Variants in LDLRAD4 observed in about 807,000 individuals in gnomAD.
LDLRAD4 encodes low-density lipoprotein receptor class A domain-containing protein 4.
LDLRAD4 carries 5 observed loss-of-function variants against 17.0 expected under a neutral mutation model. The ratio of observed to expected loss-of-function variants is 0.29; its 90% confidence interval spans 0.15 to 0.62. The LOEUF (loss-of-function observed/expected upper bound fraction) is 0.62. LDLRAD4 is among the 20% of genes least tolerant of loss of function. The pLI, the probability that LDLRAD4 is intolerant of heterozygous loss-of-function variation, is 0.84. For missense variants in LDLRAD4, 340 were observed against 424.7 expected (o/e 0.80, Z 1.75); for synonymous variants, 168 against 171.8 (o/e 0.98, Z 0.17).
intron 3 of LDLRAD4, among the ~76,000 whole-genome samples, chr18:13,527,440 G>A (rs1008853818): frequency 2.6e-5 from 4 of 152,332 alleles, no homozygotes; most frequent in Non-Finnish European, 4.4e-5. Flanking sequence ...GGCCTGGGCC[G>A]AGGGAGCCTG....
At chr18:13,525,395 A>G (rs925150813) in intron 3 of LDLRAD4, among the ~76,000 whole-genome samples, 4 of 152,146 alleles carry the variant, frequency 2.6e-5, no homozygotes, top group African/African-American at 9.7e-5. Flanking sequence ...GCTAAAGTCA[A>G]CCTCTGCCTT....
intron 1 of LDLRAD4, among the ~76,000 whole-genome samples, chr18:13,352,227 C>G (rs562668517): frequency 6.6e-6 from 1 of 152,326 alleles, no homozygotes; most frequent in Admixed American, 6.5e-5. Flanking sequence ...CCTTTCTCAC[C>G]ACTTCTATTC....
chr18:13,426,546 C>G (rs528516995), intron 2 of LDLRAD4, among the ~76,000 whole-genome samples: 70 of 152,290 alleles, frequency 4.6e-4, no homozygotes, highest in African/African-American at 1.7e-3. Flanking sequence ...GCTGAGAACC[C>G]AACAGCCCCA....
At chr18:13,442,088 C>T (rs1402475557) in intron 3 of LDLRAD4, among the ~76,000 whole-genome samples, 1 of 152,156 alleles carries the variant, frequency 6.6e-6, no homozygotes, top group East Asian at 1.9e-4. Context: ...ATACAAATTA[C>T]ACAAACACAA....
intron 3 of LDLRAD4, among the ~76,000 whole-genome samples, chr18:13,537,463 G>T (rs1034602839): frequency 6.6e-6 from 1 of 152,148 alleles, no homozygotes; most frequent in Non-Finnish European, 1.5e-5. Flanking sequence ...ATGCAACCTA[G>T]ATCCCTCACC....
intron 3 of LDLRAD4, chr18:13,612,614 C>T (rs2039690781): frequency 6.3e-7 from 1 of 1,598,478 alleles, no homozygotes; most frequent in South Asian, 1.1e-5. Context: ...CTCTGAGCTG[C>T]CTGGAGAGGA....
In LDLRAD4 at chr18:13,379,171, A is replaced by G. The variant is rs374654766; in HGVS notation, c.-382-8170A>G. 2.4e-4 allele frequency among the ~76,000 whole-genome samples: 37 copies of G among 152,350 alleles called. No individual in the cohort carries two copies. The South Asian group carries it at 4.8e-3, about 20-fold the overall frequency. On this transcript the variant is annotated intron_variant, in intron 1 of 5. Transcript: ENST00000359446. ...CACAGCCTAGAATGAGGTGAACCCA[A>G]TGTGGCCAGAGCCCAGACTTTTGTC... is the stretch of plus-strand genomic sequence containing the variant.
Position 13,513,404 on chromosome 18 carries a change from G to A in LDLRAD4, c.181+75020G>A, listed in dbSNP as rs182008179. Among the ~76,000 whole-genome samples, 9 of 152,260 alleles carry A rather than the reference G, an allele frequency of 5.9e-5. No homozygotes were observed. The East Asian group carries it at 1.7e-3, about 29-fold the overall frequency. On this transcript the variant is annotated intron_variant, in intron 3 of 5. Coordinates refer to ENST00000359446, the Ensembl canonical transcript of LDLRAD4. ...TAAACACAAGATGTTTTTGTGGGTG[G>A]GCAACTTTGTGTCTCCATGGACATT...
chr18:13,467,531 T>C (rs1283284277), intron 3 of LDLRAD4, among the ~76,000 whole-genome samples: 2 of 152,232 alleles, frequency 1.3e-5, no homozygotes, highest in Admixed American at 1.3e-4. Context: ...TCCATATTCA[T>C]GGGTAAGAAG....
At chr18:13,544,743 A>AG (rs2094335199) in intron 3 of LDLRAD4, among the ~76,000 whole-genome samples, 1 of 152,220 alleles carries the variant, frequency 6.6e-6, no homozygotes, top group African/African-American at 2.4e-5. Context: ...TTCAGAGGAC[A>AG]GACAGAAGCC....
chr18:13,580,607 G>T (rs1568365222), intron 3 of LDLRAD4, among the ~76,000 whole-genome samples: 1 of 152,156 alleles, frequency 6.6e-6, no homozygotes, highest in Non-Finnish European at 1.5e-5. Flanking sequence ...CGATGGCACG[G>T]TGGCCACTGC....
intron 3 of LDLRAD4, among the ~76,000 whole-genome samples, chr18:13,517,736 T>C (rs2093889224): frequency 7.4e-6 from 1 of 134,832 alleles, no homozygotes; most frequent in East Asian, 2.1e-4. Context: ...GACATGACTT[T>C]CTTTTTTTTT....
At chr18:13,386,508 C>A (rs2085814067) in intron 1 of LDLRAD4, among the ~76,000 whole-genome samples, 1 of 152,094 alleles carries the variant, frequency 6.6e-6, no homozygotes, top group African/African-American at 2.4e-5. Context: ...GCTGGGATTA[C>A]AGGCATACAC....
intron 2 of LDLRAD4, among the ~76,000 whole-genome samples, chr18:13,402,586 T>A (rs1254050738): frequency 2.0e-5 from 3 of 152,088 alleles, no homozygotes; most frequent in Non-Finnish European, 2.9e-5. Flanking sequence ...TGACCAAGAG[T>A]CCTAAGAGTT....
chr18:13,635,211 G>A (rs550327510), intron 4 of LDLRAD4, among the ~76,000 whole-genome samples: 235 of 152,320 alleles, frequency 1.5e-3, no homozygotes, highest in African/African-American at 3.7e-3. Flanking sequence ...TCAGACATGA[G>A]AGACCACAGT....
intron 2 of LDLRAD4, among the ~76,000 whole-genome samples, chr18:13,431,446 A>G (rs1303526227): frequency 6.6e-6 from 1 of 152,228 alleles, no homozygotes; most frequent in Admixed American, 6.5e-5. Context: ...TCAAGCCCTG[A>G]AGGACTTTTA....
intron 3 of LDLRAD4, among the ~76,000 whole-genome samples, chr18:13,619,515 C>CGGGGGGG (rs71366065): frequency 4.2e-5 from 2 of 47,826 alleles, no homozygotes; most frequent in African/African-American, 1.9e-4. Context: ...GGGGTGGGGC[C>CGGGGGGG]GGGGGGGGGC....
intron 1 of LDLRAD4, among the ~76,000 whole-genome samples, chr18:13,354,200 A>G (rs1448697982): frequency 2.0e-5 from 3 of 152,194 alleles, no homozygotes; most frequent in Non-Finnish European, 4.4e-5. Flanking sequence ...AGCCTTGGCA[A>G]TATAGCAAGA....
intron 1 of LDLRAD4, among the ~76,000 whole-genome samples, chr18:13,327,374 A>G (rs2081593743): frequency 6.6e-6 from 1 of 152,030 alleles, no homozygotes. Context: ...AAGGAGCTGG[A>G]AGTAGTGGAC....
Sources: allele counts gnomAD v4.1 joint callset (sites outside exome capture counted in the v4.1 genomes callset), GRCh38; gene constraint gnomAD v4.1.1; transcripts MANE v1.5; gene names NCBI Gene and HGNC (gene_info 2026-07-23, HGNC 2026-07-21).